ZNF385D: variants seen among roughly 807,000 people sequenced by gnomAD.
ZNF385D encodes the protein zinc finger protein 385D, also known as zinc finger protein 659.
ZNF385D carries 15 observed loss-of-function variants against 35.8 expected under a neutral mutation model. The ratio of observed to expected loss-of-function variants is 0.42; its 90% CI spans 0.28 to 0.64. The LOEUF (loss-of-function observed/expected upper bound fraction) is 0.64. Among genes scored for constraint, ZNF385D ranks in the 30% least tolerant of loss-of-function variants. ZNF385D has a pLI of 0.23. For missense variants in ZNF385D, 474 were observed against 494.6 expected (o/e 0.96, Z 0.39); for synonymous variants, 212 against 186.8 (o/e 1.13, Z -1.10).
chr3:22,303,689 C>T (rs1217892919), intron 2 of ZNF385D, among the ~76,000 whole-genome samples: 9 of 151,994 alleles, frequency 5.9e-5, no homozygotes, highest in Admixed American at 2.0e-4. Flanking sequence ...TATACGTTTA[C>T]GGTATATGTT....
intron 3 of ZNF385D, among the ~76,000 whole-genome samples, chr3:21,888,733 C>T (rs558284440): frequency 6.6e-6 from 1 of 152,106 alleles, no homozygotes; most frequent in Non-Finnish European, 1.5e-5. Flanking sequence ...AAACTGGACC[C>T]ATTTTTCTCA....
At chr3:21,796,554 T>A (rs58254851) in intron 3 of ZNF385D, among the ~76,000 whole-genome samples, 35,001 of 146,806 alleles carry the variant, frequency 0.24, 4,190 homozygotes, top group Middle Eastern at 0.32. Flanking sequence ...GCAAAAAAAA[T>A]TTTTTTTTAA....
intron 3 of ZNF385D, among the ~76,000 whole-genome samples, chr3:21,944,477 G>T (rs1020613549): frequency 6.6e-6 from 1 of 152,198 alleles, no homozygotes; most frequent in Non-Finnish European, 1.5e-5. Context: ...AGCCTGGCTT[G>T]TAACTGTAGA....
intron 2 of ZNF385D, among the ~76,000 whole-genome samples, chr3:22,198,888 A>G (rs1467517681): frequency 1.3e-5 from 2 of 152,122 alleles, no homozygotes; most frequent in African/African-American, 4.8e-5. Context: ...CCCTCGTGAT[A>G]CACATTAACT....
chr3:22,347,690 T>C (rs1695721578), intron 2 of ZNF385D, among the ~76,000 whole-genome samples: 1 of 152,206 alleles, frequency 6.6e-6, no homozygotes, highest in Non-Finnish European at 1.5e-5. Flanking sequence ...TTTCACTTTA[T>C]GCATGCCCTA....
intron 2 of ZNF385D, among the ~76,000 whole-genome samples, chr3:22,201,060 G>C (rs1029381936): frequency 2.1e-4 from 32 of 152,076 alleles, no homozygotes; most frequent in Admixed American, 4.6e-4. Context: ...AAGATTAAGA[G>C]ACTAAAGTAA....
intron 2 of ZNF385D, among the ~76,000 whole-genome samples, chr3:22,222,708 G>A (rs1344678842): frequency 1.3e-5 from 2 of 152,136 alleles, no homozygotes; most frequent in African/African-American, 4.8e-5. Flanking sequence ...CCAAATGAAA[G>A]AACGGATATA....
chr3:22,080,865 G>T (rs1034795398), intron 3 of ZNF385D, among the ~76,000 whole-genome samples: 3 of 151,926 alleles, frequency 2.0e-5, no homozygotes, highest in Admixed American at 1.3e-4. Context: ...CAGTAAGAAG[G>T]CACCATCTAT....
intron 3 of ZNF385D, among the ~76,000 whole-genome samples, chr3:21,547,859 C>A (rs1014755012): frequency 1.3e-5 from 2 of 152,096 alleles, no homozygotes; most frequent in African/African-American, 2.4e-5. Context: ...GGTCCACCCC[C>A]CTTGGCCTCG....
chr3:21,882,885 C>A (rs1293872174), intron 3 of ZNF385D, among the ~76,000 whole-genome samples: 1 of 151,962 alleles, frequency 6.6e-6, no homozygotes, highest in Non-Finnish European at 1.5e-5. Context: ...ATTGTACTTA[C>A]ATTCTTTAGA....
At chr3:21,481,242 C>G (rs1704607330) in intron 4 of ZNF385D, among the ~76,000 whole-genome samples, 1 of 152,190 alleles carries the variant, frequency 6.6e-6, no homozygotes, top group Non-Finnish European at 1.5e-5. Context: ...TTTTAGCTAA[C>G]AGACTCTTTC....
chr3:22,231,863 G>C (rs1453209044), intron 2 of ZNF385D, among the ~76,000 whole-genome samples: 1 of 152,096 alleles, frequency 6.6e-6, no homozygotes, highest in East Asian at 1.9e-4. Flanking sequence ...TCCTTTGATG[G>C]TATTCTTAGG....
intron 3 of ZNF385D, among the ~76,000 whole-genome samples, chr3:21,821,663 T>C (rs1694240786): frequency 6.6e-6 from 1 of 152,124 alleles, no homozygotes; most frequent in Non-Finnish European, 1.5e-5. Context: ...GGGACTTGAT[T>C]GCAAAAACTA....
chr3:22,102,000 A>G (rs1435491901), intron 3 of ZNF385D, among the ~76,000 whole-genome samples: 2 of 151,240 alleles, frequency 1.3e-5, no homozygotes, highest in African/African-American at 4.9e-5. Flanking sequence ...CCATTGCGCC[A>G]CATCAGGTTT....
At chr3:21,459,830 C>T (rs1703053056) in intron 4 of ZNF385D, among the ~76,000 whole-genome samples, 1 of 152,176 alleles carries the variant, frequency 6.6e-6, no homozygotes, top group Admixed American at 6.5e-5. Flanking sequence ...TCAAGGATAA[C>T]TAAGACAATA....
chr3:21,997,152 G>A (rs1273489863), intron 3 of ZNF385D, among the ~76,000 whole-genome samples: 2 of 151,962 alleles, frequency 1.3e-5, no homozygotes, highest in Non-Finnish European at 2.9e-5. Context: ...TATAAACCAT[G>A]GAATACTATG....
intron 4 of ZNF385D, among the ~76,000 whole-genome samples, chr3:21,450,594 A>C (rs1702400403): frequency 6.6e-6 from 1 of 152,178 alleles, no homozygotes; most frequent in Non-Finnish European, 1.5e-5. Context: ...TTTTCTCAGA[A>C]GCTCATCAAG....
At chr3:22,066,175 G>C (rs1227019913) in intron 3 of ZNF385D, among the ~76,000 whole-genome samples, 1 of 151,972 alleles carries the variant, frequency 6.6e-6, no homozygotes, top group Non-Finnish European at 1.5e-5. Flanking sequence ...TTTGTGTTCA[G>C]TTCATTCAAT....
intron 2 of ZNF385D, among the ~76,000 whole-genome samples, chr3:22,320,671 G>A (rs544732354): frequency 6.7e-6 from 1 of 148,704 alleles, no homozygotes; most frequent in African/African-American, 2.5e-5. Context: ...ATATTTAATA[G>A]ATTAAAACTA....
Sources: allele counts gnomAD v4.1 joint callset (sites outside exome capture counted in the v4.1 genomes callset), GRCh38; gene constraint gnomAD v4.1.1; transcripts MANE v1.5; gene names NCBI Gene and HGNC (gene_info 2026-07-23, HGNC 2026-07-21).